The following CSNK1A1 variants were observed in gnomAD, a reference collection of about 807,000 sequenced individuals.
CSNK1A1 encodes casein kinase 1 alpha 1, also known as casein kinase I isoform alpha.
A neutral mutation model predicts 46.1 loss-of-function variants in CSNK1A1; 7 were observed. The observed-to-expected ratio is 0.15, with a 90% confidence interval of 0.09 to 0.29. The LOEUF (loss-of-function observed/expected upper bound fraction) is 0.29, where lower values mean the gene tolerates loss of function less well. CSNK1A1 is among the 10% of genes least tolerant of loss of function. The probability of loss-of-function intolerance (pLI) is 1.00; values close to 1 mark genes in which losing one functional copy is unlikely to be tolerated. For synonymous variants in CSNK1A1, 137 were observed against 141.5 expected (o/e 0.97, Z 0.23); for missense variants, 96 against 417.1 (o/e 0.23, Z 6.71).
rs1491388973 is a variant in CSNK1A1 at position 149,544,735 on chromosome 5, CTT to C, written c.230+5338_230+5339del. On this transcript the variant is annotated intron_variant, in intron 2 of 9. Transcript: ENST00000377843. ...AAGTGAGGATGATGAGGGTAAAGAG[CTT>C]TATATATATATATATATATATATAT... Among the ~76,000 whole-genome samples the C allele has an allele frequency of 5.5e-4, 12 of 21,684 alleles. 1 individual carries two copies. In the South Asian group the frequency reaches 7.0e-3, roughly 13 times the overall value. 14.2% of individuals were successfully genotyped at this position (21,684 alleles called of 152,430 possible).
At chr5:149,497,763 C>T in intron 9 of CSNK1A1, 1 of 985,480 alleles carries the variant, frequency 1.0e-6, no homozygotes, top group Non-Finnish European at 1.2e-6. Flanking sequence ...TTCTAGCCCA[C>T]TCCAATCAAT....
At chr5:149,518,708 C>A (rs995151184) in intron 4 of CSNK1A1, among the ~76,000 whole-genome samples, 1 of 151,966 alleles carries the variant, frequency 6.6e-6, no homozygotes, top group Admixed American at 6.6e-5. Context: ...GAAAAGGAGA[C>A]CTAAACCTCC....
Position 149,534,421 on chromosome 5 carries a change from T to C in CSNK1A1, c.231-9250A>G, listed in dbSNP as rs547724562. On this transcript the variant is annotated intron_variant, in intron 2 of 9. Coordinates refer to ENST00000377843, the MANE Select transcript of CSNK1A1 (RefSeq NM_001892.6). ...ATTGCTTGAACCCGGGAGGCGGGGG[T>C]TGCAGTGAGCTGAGATGGCGCCATT... Among the ~76,000 whole-genome samples, 41 of 135,658 alleles carry C rather than the reference T, an allele frequency of 3.0e-4. No individual in the cohort carries two copies. The East Asian group carries it at 8.3e-3, about 27-fold the overall frequency. 89.0% of individuals were successfully genotyped at this position (135,658 alleles called of 152,430 possible).
At chr5:149,498,339 A>T (rs540273018) in intron 9 of CSNK1A1, 2 of 985,410 alleles carry the variant, frequency 2.0e-6, no homozygotes, top group East Asian at 2.3e-4. Flanking sequence ...GAAAGATAAC[A>T]TAACTTTGAG....
intron 8 of CSNK1A1, 77 bp downstream of exon 8, chr5:149,506,950 T>C (rs1048242772): frequency 3.7e-6 from 4 of 1,075,148 alleles, no homozygotes; most frequent in Admixed American, 4.7e-5. Flanking sequence ...TTAGTATTTA[T>C]CAGAATGAAT....
intron 2 of CSNK1A1, chr5:149,545,383 C>A: frequency 4.4e-6 from 2 of 458,394 alleles, no homozygotes; most frequent in South Asian, 3.7e-5. Context: ...ACAGAGATAC[C>A]TACTCCGAAG....
At chr5:149,531,462 G>C (rs1761894210) in intron 2 of CSNK1A1, among the ~76,000 whole-genome samples, 1 of 151,510 alleles carries the variant, frequency 6.6e-6, no homozygotes, top group Non-Finnish European at 1.5e-5. Context: ...AGGTTGCAGT[G>C]AGCCGAGATC....
Position 149,517,751 on chromosome 5 carries a change from C to A in CSNK1A1, c.456+2539G>T. On this transcript the variant is annotated intron_variant, in intron 4 of 9. Coordinates refer to ENST00000377843, the MANE Select transcript of CSNK1A1 (RefSeq NM_001892.6). This position sits in a 1 kb window ranked among gnomAD's most constrained non-coding sequence, Gnocchi z 4.4. ...AATAAAACAATAAAAAAGAAAAGCA[C>A]ATGAATTTGGGATTGAGGTTGGAAT... 1 of 1,202,398 alleles carries A rather than the reference C, an allele frequency of 8.3e-7. No individual in the cohort carries two copies. Among genetic ancestry groups the A allele is most frequent in the Admixed American group, 2.1e-5 (1 of 48,346 alleles). The allele number at this position is 1,202,398 out of a possible 1,614,324, so 74.5% of individuals were successfully genotyped here. A position where few individuals can be genotyped will look rare whatever the true frequency, so the allele number is the denominator to read the frequency against.
At chr5:149,497,692 C>G in intron 9 of CSNK1A1, 1 of 985,572 alleles carries the variant, frequency 1.0e-6, no homozygotes, top group Non-Finnish European at 1.2e-6. Flanking sequence ...CAGACACCCA[C>G]TCTGAGGCAC....
chr5:149,493,418 AG>A lies in CSNK1A1; in HGVS notation c.*3434del, dbSNP rs1188284078. The A allele has an allele frequency of 6.9e-6, 1 of 144,402 alleles. No homozygotes were observed. Among genetic ancestry groups the A allele is most frequent in the African/African-American group, 2.6e-5 (1 of 38,500 alleles). The allele number at this position is 144,402 out of a possible 1,614,324, so 8.9% of individuals were successfully genotyped here. A position where few individuals can be genotyped will look rare whatever the true frequency, so the allele number is the denominator to read the frequency against. On this transcript the variant is annotated 3_prime_UTR_variant, in exon 10 of 10. Transcript: ENST00000377843. ...TTGTGGCACCATAATAGAATGTTCCAGGTTCATCTCATATTTCTCCATCCCA... is the reference window on the plus strand; with the variant it reads ...TTGTGGCACCATAATAGAATGTTCCAGTTCATCTCATATTTCTCCATCCCA...
At chr5:149,521,168 A>G (rs570179188) in intron 3 of CSNK1A1, among the ~76,000 whole-genome samples, 2 of 152,108 alleles carry the variant, frequency 1.3e-5, no homozygotes, top group East Asian at 1.9e-4. Context: ...CAAATCCCAT[A>G]TAATTATGGG....
chr5:149,503,169 T>C (rs907178452), intron 9 of CSNK1A1: 2 of 985,308 alleles, frequency 2.0e-6, no homozygotes, highest in African/African-American at 3.5e-5. Flanking sequence ...CATAGAGCAA[T>C]TGTTTTCAAA....
rs1193702653 is a variant in CSNK1A1 at position 149,500,135 on chromosome 5, A to AT, written c.1007-3276dup. Among the ~76,000 whole-genome samples the AT allele has an allele frequency of 5.0e-3, 535 of 106,324 alleles. 8 individuals are homozygous for AT. Among genetic ancestry groups the AT allele is most frequent in the African/African-American group, 6.8e-3 (170 of 24,988 alleles). 69.8% of individuals were successfully genotyped at this position (106,324 alleles called of 152,430 possible). A position where few individuals can be genotyped will look rare whatever the true frequency, so the allele number is the denominator to read the frequency against. The stretch of plus-strand genomic sequence containing the variant: ...AGGCACCCGCCACTACGCCCAGCTA[A>AT]TTTTTTTTTTTTTTTTTTTTGAGAT... On this transcript the variant is annotated intron_variant, in intron 9 of 9. Transcript: ENST00000377843.
rs148004720 is a variant in CSNK1A1 at position 149,513,768 on chromosome 5, C to G, written c.457-559G>C. ...ATACAAAAATAGCCGGGCATGGTGG[C>G]ACATGCCTGTAGTCCCAGCTACACA... On this transcript the variant is annotated intron_variant, in intron 4 of 9. Transcript: ENST00000377843. 2.9e-3 allele frequency among the ~76,000 whole-genome samples: 446 copies of G among 152,132 alleles called. 3 individuals carry two copies. Among genetic ancestry groups the G allele is most frequent in the African/African-American group, 0.011 (438 of 41,508 alleles).
At position 149,544,758 on chromosome 5, in the gene CSNK1A1, T is replaced by TATATATATATATACAC. The variant is rs150989849; in HGVS notation, c.230+5316_230+5317insGTGTATATATATATAT. Reference sequence around the variant, plus strand: ...AGCTTTATATATATATATATATATATATATATAGTTATTGACCAATCATGT... The same window carrying TATATATATATATACAC: ...AGCTTTATATATATATATATATATATATATATATATATACACATATATAGTTATTGACCAATCATGT... On this transcript the variant is annotated intron_variant, in intron 2 of 9. Transcript: ENST00000377843. 7.3e-4 allele frequency among the ~76,000 whole-genome samples: 94 copies of TATATATATATATACAC among 129,264 alleles called. 7 individuals carry two copies. Among genetic ancestry groups the TATATATATATATACAC allele is most frequent in the African/African-American group, 2.4e-3 (75 of 31,538 alleles). 84.8% of individuals were successfully genotyped at this position (129,264 alleles called of 152,430 possible).
intron 2 of CSNK1A1, chr5:149,545,634 A>T: frequency 1.1e-6 from 1 of 886,682 alleles, no homozygotes; most frequent in Non-Finnish European, 1.8e-6. Context: ...GGGCCCTGCT[A>T]GCCTCAGCAA....
intron 2 of CSNK1A1, among the ~76,000 whole-genome samples, chr5:149,544,966 T>C (rs1023694519): frequency 6.6e-6 from 1 of 150,736 alleles, no homozygotes; most frequent in African/African-American, 2.4e-5. Flanking sequence ...TGAAACCCCG[T>C]CTCTACTAAA....
intron 2 of CSNK1A1, among the ~76,000 whole-genome samples, chr5:149,539,794 C>A (rs1436534685): frequency 6.6e-6 from 1 of 151,870 alleles, no homozygotes; most frequent in Non-Finnish European, 1.5e-5. Context: ...CTGAAAGATG[C>A]AGTAGGACCT....
intron 7 of CSNK1A1, among the ~76,000 whole-genome samples, chr5:149,508,150 T>C (rs13170358): frequency 0.25 from 38,141 of 152,136 alleles, 5,313 homozygotes; most frequent in Admixed American, 0.4. Flanking sequence ...TTACAATCTC[T>C]TTCTACAACC....
Sources: allele counts gnomAD v4.1 joint callset (sites outside exome capture counted in the v4.1 genomes callset), GRCh38; gene constraint gnomAD v4.1.1; non-coding constraint Gnocchi (gnomAD v3.1); transcripts MANE v1.5; gene names NCBI Gene and HGNC (gene_info 2026-07-23, HGNC 2026-07-21).